The following TNKS1BP1 variants were observed in gnomAD, a reference collection of about 807,000 sequenced individuals.
The protein encoded by TNKS1BP1 is 182 kDa tankyrase-1-binding protein.
TNKS1BP1 carries 48 observed loss-of-function variants against 141.1 expected under a neutral mutation model. That is an observed-to-expected ratio of 0.34 (90% CI 0.27 to 0.43). The LOEUF is 0.43. TNKS1BP1 is among the 20% of genes least tolerant of loss of function. The pLI is 1.00. For synonymous variants in TNKS1BP1, 875 were observed against 898.2 expected, an observed-to-expected ratio of 0.97 and a Z score of 0.46; for missense variants, 2,149 against 2,226.0, an observed-to-expected ratio of 0.97 and a Z score of 0.70.
Position 57,320,128 on chromosome 11 carries a change from T to C in TNKS1BP1, c.679A>G (p.Lys227Glu). The C allele has an allele frequency of 6.2e-7, 1 of 1,614,088 alleles. No homozygotes were observed. The highest frequency in any genetic ancestry group is 2.2e-5 in the East Asian group (1 of 44,876). Reference protein sequence around the residue: ...FRGWSQEGPVKSPAECREEHS... With the variant: ...FRGWSQEGPVESPAECREEHS... ...TCTTCCCGGCACTCTGCTGGAGACT[T>C]TACTGGCCCCTCCTGGGACCATCCC... The change falls in exon 3 of 12, where the codon AAG becomes GAG. Residue 227 changes from lysine to glutamate, a missense_variant. Physicochemically the swap from Lys to Glu is moderately conservative, Grantham distance 56. Transcript: ENST00000358252.
intron 5 of TNKS1BP1, among the ~76,000 whole-genome samples, chr11:57,310,945 GGA>G (rs1028047251): frequency 5.3e-5 from 8 of 152,274 alleles, no homozygotes; most frequent in African/African-American, 1.9e-4. Flanking sequence ...CTTTTGATTA[GGA>G]GAGGTCAAGA....
At position 57,309,940 on chromosome 11, in the gene TNKS1BP1, T is replaced by A; in HGVS notation, c.2771A>T (p.Asp924Val). Reference protein sequence around the residue: ...HHGRYSSQDADEQDWEFQKRD... With the variant: ...HHGRYSSQDAVEQDWEFQKRD... ...CTTCTGAAACTCCCAGTCCTGCTCA[T>A]CGGCATCCTGGCTGCTGTACCTACC... The change falls in exon 6 of 12, where the codon GAT (aspartate) becomes GTT (valine). Residue 924 changes from aspartate (D) to valine (V), a missense_variant. Physicochemically the swap from Asp to Val is radical, Grantham distance 152. Transcript: ENST00000358252. This position sits in a 1 kb window ranked among gnomAD's most constrained non-coding sequence, Gnocchi z 4.3. 6.2e-7 allele frequency: 1 copy of A among 1,614,182 alleles called. No homozygotes were observed. The highest frequency in any genetic ancestry group is 2.2e-5 in the East Asian group (1 of 44,880).
At position 57,308,567 on chromosome 11, in the gene TNKS1BP1, C is replaced by T; in HGVS notation, c.4144G>A (p.Gly1382Ser). 6.2e-7 allele frequency: 1 copy of T among 1,614,154 alleles called. No individual in the cohort carries two copies. Among genetic ancestry groups the T allele is most frequent in the Non-Finnish European group, 8.5e-7 (1 of 1,180,010 alleles). ...QCPEPGLRHN[G>S]SLSPGLEARD... Reference sequence around the variant, plus strand: ...GCCTCCAGGCCAGGAGACAAGCTGCCATTGTGCCTCAGGCCGGGCTCTGGG... The same window carrying T: ...GCCTCCAGGCCAGGAGACAAGCTGCTATTGTGCCTCAGGCCGGGCTCTGGG... The change falls in exon 6 of 12, where the codon GGC (glycine) becomes AGC (serine). Residue 1382 changes from glycine (G) to serine (S), a missense_variant. Gly to Ser is a moderately conservative substitution (Grantham distance 56). Coordinates refer to ENST00000358252, the MANE Select transcript of TNKS1BP1 (RefSeq NM_033396.3).
Position 57,300,952 on chromosome 11 carries a change from C to T in TNKS1BP1, c.5061G>A (p.Ser1687=), listed in dbSNP as rs141896209. Reference sequence around the variant, plus strand: ...CCAGTCCTGGGACCTTGCAGGATTTCGAACGCTGGACCGCGGACTCCTTCT... The same window carrying T: ...CCAGTCCTGGGACCTTGCAGGATTTTGAACGCTGGACCGCGGACTCCTTCT... ...SSQKESAVQR[S]KSCKVPGLGK... is the part of the protein sequence containing the mutation. Residue 1687 remains serine, a synonymous_variant, in exon 10 of 12, where the codon TCG becomes TCA. Coordinates refer to ENST00000358252, the MANE Select transcript of TNKS1BP1 (RefSeq NM_033396.3). The T allele has an allele frequency of 2.9e-5, 47 of 1,613,972 alleles. No homozygotes were observed. The highest frequency in any genetic ancestry group is 3.5e-5 in the Non-Finnish European group (41 of 1,180,028).
intron 6 of TNKS1BP1, among the ~76,000 whole-genome samples, chr11:57,305,862 G>A (rs1328632831): frequency 6.6e-6 from 1 of 152,206 alleles, no homozygotes; most frequent in African/African-American, 2.4e-5. Context: ...AGGTCACAGA[G>A]GTGGTGACAG....
rs751147505 is a variant in TNKS1BP1 at position 57,310,439 on chromosome 11, G to A, written c.2272C>T (p.Leu758Phe). 6.2e-7 allele frequency: 1 copy of A among 1,613,826 alleles called. No individual in the cohort carries two copies. The highest frequency in any genetic ancestry group is 8.5e-7 in the Non-Finnish European group (1 of 1,180,032). The change falls in exon 6 of 12, where the codon CTT (leucine) becomes TTT (phenylalanine). Residue 758 changes from leucine (L) to phenylalanine (F), a missense_variant. Leu to Phe is a conservative substitution (Grantham distance 22). Coordinates refer to ENST00000358252, the MANE Select transcript of TNKS1BP1 (RefSeq NM_033396.3). Reference sequence around the variant, plus strand: ...TCTCCTCTAGGGCTTGCACCCCCAAGGCCATAGTCCTGAGAAGCACCTTGA... The same window carrying A: ...TCTCCTCTAGGGCTTGCACCCCCAAAGCCATAGTCCTGAGAAGCACCTTGA... ...WCQGASQDYGLGGASPRGDPG... is the reference protein window; with the variant it reads ...WCQGASQDYGFGGASPRGDPG...
Position 57,308,696 on chromosome 11 carries a change from CTCCACA to C in TNKS1BP1, c.4009_4014del (p.Cys1337_Gly1338del). 6.2e-7 allele frequency: 1 copy of C among 1,613,146 alleles called. No individual in the cohort carries two copies. Among genetic ancestry groups the C allele is most frequent in the Non-Finnish European group, 8.5e-7 (1 of 1,180,016 alleles). ...TCCTGGGTCCAGTCCATCTGCCCCA[CTCCACA>C]TCCCCGTAGCCCCTGAGAACCTCCA... On this transcript the variant is annotated inframe_deletion, in exon 6 of 12. Transcript: ENST00000358252.
At position 57,309,962 on chromosome 11, in the gene TNKS1BP1, T is replaced by G. The variant is rs1197417831; in HGVS notation, c.2749A>C (p.Arg917=). The G allele has an allele frequency of 6.2e-7, 1 of 1,614,114 alleles. No homozygotes were observed. Among genetic ancestry groups the G allele is most frequent in the Non-Finnish European group, 8.5e-7 (1 of 1,179,948 alleles). ...TCATCGGCATCCTGGCTGCTGTACC[T>G]ACCATGGTGGTCCCTCTTCCCCAAA... ...QDLGKRDHHG[R]YSSQDADEQD... is the part of the protein sequence containing the mutation. The change falls in exon 6 of 12, where the codon AGG becomes CGG. Residue 917 remains arginine, a synonymous_variant. Coordinates refer to ENST00000358252, the MANE Select transcript of TNKS1BP1 (RefSeq NM_033396.3). The surrounding 1 kb of genome is among the most constrained non-coding windows in gnomAD (Gnocchi z 4.3).
intron 6 of TNKS1BP1, among the ~76,000 whole-genome samples, chr11:57,304,406 T>C (rs1017064028): frequency 3.3e-5 from 5 of 152,158 alleles, no homozygotes; most frequent in Non-Finnish European, 5.9e-5. Flanking sequence ...GGCAGCAGAA[T>C]TGGGAGCAGC....
In TNKS1BP1 at chr11:57,299,785, C is replaced by T. The variant is rs572158508; in HGVS notation, c.*309G>A. On this transcript the variant is annotated 3_prime_UTR_variant, in exon 12 of 12. Coordinates refer to ENST00000358252, the MANE Select transcript of TNKS1BP1 (RefSeq NM_033396.3). ...AAATCAAAGGCTTTTATAAAAAATGCTATAAATTGGTATCAAAAGAAAACC... is the reference window on the plus strand; with the variant it reads ...AAATCAAAGGCTTTTATAAAAAATGTTATAAATTGGTATCAAAAGAAAACC... 123 of 154,750 alleles carry T rather than the reference C, an allele frequency of 7.9e-4. No homozygotes were observed. The highest frequency in any genetic ancestry group is 1.4e-3 in the Non-Finnish European group (95 of 68,184). The allele number at this position is 154,750 out of a possible 1,614,324, so 9.6% of individuals were successfully genotyped here.
chr11:57,322,092 A>C, intron 1 of TNKS1BP1, 142 bp from the exon 2 acceptor site: 2 of 940,936 alleles, frequency 2.1e-6, no homozygotes, highest in Non-Finnish European at 1.5e-6. Context: ...GGGTAGGAGG[A>C]GGTCAAGGGA....
Position 57,310,108 on chromosome 11 carries a change from C to T in TNKS1BP1, c.2603G>A (p.Gly868Glu), listed in dbSNP as rs769258458. The change falls in exon 6 of 12, where the codon GGA (glycine) becomes GAA (glutamate). Residue 868 changes from glycine to glutamate, a missense_variant. By Grantham distance (98) the Gly-to-Glu change is moderately conservative. Coordinates refer to ENST00000358252, the MANE Select transcript of TNKS1BP1 (RefSeq NM_033396.3). ...RDAELQDQEF[G>E]KRDSLGTYSS... ...GTAGGTACCCAGTGAATCTCTCTTT[C>T]CGAATTCCTGGTCCTGGAGTTCTGC... is the stretch of plus-strand genomic sequence containing the variant. 1.2e-6 allele frequency: 2 copies of T among 1,614,210 alleles called. No individual in the cohort carries two copies. The highest frequency in any genetic ancestry group is 1.7e-6 in the Non-Finnish European group (2 of 1,180,034).
Position 57,300,874 on chromosome 11 carries a change from G to C in TNKS1BP1, c.5129+10C>G. The C allele has an allele frequency of 6.2e-7, 1 of 1,611,850 alleles. No homozygotes were observed. The highest frequency in any genetic ancestry group is 8.5e-7 in the Non-Finnish European group (1 of 1,178,514). On this transcript the variant is annotated intron_variant, in intron 10 of 11. Coordinates refer to ENST00000358252, the MANE Select transcript of TNKS1BP1 (RefSeq NM_033396.3). ...GAGGTCAGCGGATGCCCAGAGCTTA[G>C]GTCACCTACCCTGAGGATTTCTCTG...
At position 57,313,603 on chromosome 11, in the gene TNKS1BP1, G is replaced by A. The variant is rs760339933; in HGVS notation, c.1085C>T (p.Pro362Leu). ...PSPGLPAEGA[P>L]EAPRPSSPPP... Reference sequence around the variant, plus strand: ...TGGGCTGCTGGGTCTGGGGGCCTCTGGAGCCCCCTCGGCAGGGAGCCCCGG... The same window carrying A: ...TGGGCTGCTGGGTCTGGGGGCCTCTAGAGCCCCCTCGGCAGGGAGCCCCGG... The change falls in exon 5 of 12, where the codon CCA becomes CTA. Residue 362 changes from proline to leucine, a missense_variant. Coordinates refer to ENST00000358252, the MANE Select transcript of TNKS1BP1 (RefSeq NM_033396.3). 5 of 1,596,276 alleles carry A rather than the reference G, an allele frequency of 3.1e-6. No homozygotes were observed. The highest frequency in any genetic ancestry group is 4.3e-6 in the Non-Finnish European group (5 of 1,171,932).
In TNKS1BP1 at chr11:57,309,159, G is replaced by C. The variant is rs1401512470; in HGVS notation, c.3552C>G (p.Ala1184=). Reference sequence around the variant, plus strand: ...CCATCTGTCCCACGGCACTCTCCCTGGCCTCGCTCGAGCCCCCAGAACCCA... The same window carrying C: ...CCATCTGTCCCACGGCACTCTCCCTCGCCTCGCTCGAGCCCCCAGAACCCA... ...SCVGSGGSSE[A]RESAVGQMGW... is the part of the protein sequence containing the mutation. The change falls in exon 6 of 12, where the codon GCC becomes GCG. Residue 1184 remains alanine, a synonymous_variant. Transcript: ENST00000358252. This position sits in a 1 kb window ranked among gnomAD's most constrained non-coding sequence, Gnocchi z 4.3. 6.2e-7 allele frequency: 1 copy of C among 1,614,092 alleles called. No individual in the cohort carries two copies. Among genetic ancestry groups the C allele is most frequent in the Admixed American group, 1.7e-5 (1 of 60,024 alleles).
chr11:57,313,039 A>G lies in TNKS1BP1; in HGVS notation c.1649T>C (p.Met550Thr). Residue 550 changes from methionine to threonine, a missense_variant, in exon 5 of 12, where the codon ATG becomes ACG. Met to Thr is a moderately conservative substitution (Grantham distance 81, BLOSUM62 -1). Transcript: ENST00000358252. ...CCCATCGCCCTTCTGGGTGAGGGAC[A>G]TGCTTGGATCATCCCCCTGCACCCA... is the stretch of plus-strand genomic sequence containing the variant. The part of the protein sequence containing the change: ...SSWVQGDDPS[M>T]SLTQKGDGES... 1 of 1,613,890 alleles carries G rather than the reference A, an allele frequency of 6.2e-7. No homozygotes were observed. Among genetic ancestry groups the G allele is most frequent in the Non-Finnish European group, 8.5e-7 (1 of 1,180,010 alleles).
chr11:57,323,652 T>C (rs558018099), intron 1 of TNKS1BP1, among the ~76,000 whole-genome samples: 183 of 152,150 alleles, frequency 1.2e-3, no homozygotes, highest in African/African-American at 3.7e-3. Context: ...TGTCAACCCA[T>C]TGGTCAGTTA....
rs142187077 is a variant in TNKS1BP1 at position 57,320,265 on chromosome 11, C to T, written c.542G>A (p.Arg181His). The T allele has an allele frequency of 1.6e-4, 252 of 1,614,174 alleles. No homozygotes were observed. The highest frequency in any genetic ancestry group is 1.2e-3 in the Middle Eastern group (7 of 6,062). Reference protein sequence around the residue: ...PRKEVLASPDRLWGSRLTFNH... With the variant: ...PRKEVLASPDHLWGSRLTFNH... The stretch of plus-strand genomic sequence containing the variant: ...AAAGGTGAGGCGGGAACCCCACAGG[C>T]GGTCGGGGCTGGCAAGGACCTCCTT... Residue 181 changes from arginine (R) to histidine (H), a missense_variant, in exon 3 of 12, where the codon CGC becomes CAC. Transcript: ENST00000358252.
rs780204399 is a variant in TNKS1BP1, at chr11:57,312,574, G to A, written c.2114C>T (p.Ala705Val). 1.3e-6 allele frequency: 2 copies of A among 1,513,102 alleles called. No homozygotes were observed. The highest frequency in any genetic ancestry group is 4.5e-5 in the Admixed American group (2 of 44,026). 93.7% of individuals were successfully genotyped at this position (1,513,102 alleles called of 1,614,324 possible). ...TGGGGACTGTGTGTCCTTCAGCTCAGCTCCAGCTCCCCGCCTTGCACCGCC... is the reference window on the plus strand; with the variant it reads ...TGGGGACTGTGTGTCCTTCAGCTCAACTCCAGCTCCCCGCCTTGCACCGCC... ...SGGGARRGAGAELKDTQSPST... is the reference protein window; with the variant it reads ...SGGGARRGAGVELKDTQSPST... The change falls in exon 5 of 12, where the codon GCT becomes GTT. Residue 705 changes from alanine (A) to valine (V), a missense_variant. Coordinates refer to ENST00000358252, the MANE Select transcript of TNKS1BP1 (RefSeq NM_033396.3).
Sources: gnomAD v4.1 joint callset for allele counts (sites outside exome capture counted in the v4.1 genomes callset) on GRCh38, gnomAD v4.1.1 for gene constraint, Gnocchi (gnomAD v3.1) non-coding constraint, MANE v1.5 for transcripts, NCBI Gene and HGNC (gene_info 2026-07-23, HGNC 2026-07-21) for gene names.